The following EIPR1 variants were observed in gnomAD, a reference collection of about 807,000 sequenced individuals.
The protein encoded by EIPR1 is EARP complex and GARP complex interacting protein 1.
Under a neutral mutation model 48.1 loss-of-function variants are expected in EIPR1, and 25 were observed. That is an observed-to-expected ratio of 0.52 (90% CI 0.38 to 0.73). The LOEUF (loss-of-function observed/expected upper bound fraction) is 0.73, where lower values mean the gene tolerates loss of function less well. Ranked by LOEUF, EIPR1 falls within the 30% of genes least tolerant of loss-of-function variation. The pLI is 0.00. For synonymous variants in EIPR1, 204 were observed against 201.9 expected (o/e 1.01, Z -0.09); for missense variants, 415 against 506.2 (o/e 0.82, Z 1.73).
At chr2:3,194,371 A>G (rs770015592) in intron 6 of EIPR1, 5 of 543,752 alleles carry the variant, frequency 9.2e-6, no homozygotes, top group Non-Finnish European at 1.6e-5. Context: ...CACCACGCTC[A>G]TCTCTCCAGA....
chr2:3,215,226 G>C (rs2103135310), intron 4 of EIPR1, among the ~76,000 whole-genome samples: 1 of 152,348 alleles, frequency 6.6e-6, no homozygotes, highest in South Asian at 2.1e-4. Context: ...GGGGGCTGGA[G>C]GGTGGAGAGT....
intron 8 of EIPR1, 50 bp downstream of exon 8, chr2:3,192,364 G>A (rs768589344): frequency 6.6e-7 from 1 of 1,514,874 alleles, no homozygotes; most frequent in South Asian, 1.3e-5. Flanking sequence ...TGGCTGTGCA[G>A]ACAGGAGGCT....
chr2:3,226,017 A>C (rs993844136), intron 4 of EIPR1, among the ~76,000 whole-genome samples: 3 of 152,158 alleles, frequency 2.0e-5, no homozygotes, highest in Non-Finnish European at 2.9e-5. Flanking sequence ...TATCTACCAC[A>C]ATTTCTTTAT....
At chr2:3,354,709 G>T in intron 1 of EIPR1, 76 bp from the exon 2 acceptor site, 4 of 1,312,238 alleles carry the variant, frequency 3.0e-6, no homozygotes, top group Non-Finnish European at 4.4e-6. Flanking sequence ...GATTTAAAAA[G>T]GCAGTTTATC....
intron 3 of EIPR1, among the ~76,000 whole-genome samples, chr2:3,308,548 A>C (rs1337456439): frequency 6.6e-6 from 1 of 152,230 alleles, no homozygotes; most frequent in Non-Finnish European, 1.5e-5. Context: ...GGACAATAGC[A>C]GATGGCCTCA....
intron 3 of EIPR1, among the ~76,000 whole-genome samples, chr2:3,334,948 C>T (rs1029424286): frequency 1.3e-5 from 2 of 152,216 alleles, no homozygotes; most frequent in Non-Finnish European, 2.9e-5. Context: ...CACCTGTGGA[C>T]GACCAACAAG....
intron 2 of EIPR1, among the ~76,000 whole-genome samples, chr2:3,340,556 T>G (rs1422242156): frequency 6.6e-6 from 1 of 152,194 alleles, no homozygotes. Flanking sequence ...CCAAGGAAAG[T>G]TTACTTATGA....
intron 4 of EIPR1, among the ~76,000 whole-genome samples, chr2:3,219,791 C>G (rs188033814): frequency 1.1e-3 from 165 of 152,358 alleles, no homozygotes; most frequent in African/African-American, 3.7e-3. Context: ...CAGGTGCACA[C>G]CCGGCATGGC....
At chr2:3,375,740 T>C (rs1659855736) in intron 1 of EIPR1, among the ~76,000 whole-genome samples, 1 of 152,226 alleles carries the variant, frequency 6.6e-6, no homozygotes. Flanking sequence ...CTATTCTCTC[T>C]GAGGCTGTCT....
chr2:3,256,824 G>A lies in EIPR1; in HGVS notation c.416+475C>T, dbSNP rs114898890. 6.0e-3 allele frequency among the ~76,000 whole-genome samples: 911 copies of A among 152,352 alleles called. 5 individuals are homozygous for A. The highest frequency in any genetic ancestry group is 0.031 in the Middle Eastern group (9 of 294). Reference sequence around the variant, plus strand: ...AAGCAGCGACTGGCCAGGGAGCCACGTGAATGACACACCACATGCCGGACA... The same window carrying A: ...AAGCAGCGACTGGCCAGGGAGCCACATGAATGACACACCACATGCCGGACA... On this transcript the variant is annotated intron_variant, in intron 4 of 8. Coordinates refer to ENST00000382125, the MANE Select transcript of EIPR1 (RefSeq NM_003310.5).
intron 7 of EIPR1, 70 bp downstream of exon 7, chr2:3,193,929 A>C: frequency 6.4e-7 from 1 of 1,553,404 alleles, no homozygotes; most frequent in Non-Finnish European, 8.8e-7. Context: ...TGTCTTTCCC[A>C]ATGGTAAAGT....
At chr2:3,316,976 G>A in intron 3 of EIPR1, among the ~76,000 whole-genome samples, 1 of 152,228 alleles carries the variant, frequency 6.6e-6, no homozygotes, top group East Asian at 1.9e-4. Context: ...CCTTGCACAT[G>A]GGGTGGAGCA....
At chr2:3,205,455 C>A (rs1054753678) in intron 5 of EIPR1, among the ~76,000 whole-genome samples, 1 of 152,252 alleles carries the variant, frequency 6.6e-6, no homozygotes. Context: ...AGGCAGAAAG[C>A]AGTCACATGT....
chr2:3,266,710 G>C (rs903803480), intron 3 of EIPR1, among the ~76,000 whole-genome samples: 1 of 152,182 alleles, frequency 6.6e-6, no homozygotes, highest in Non-Finnish European at 1.5e-5. Flanking sequence ...TCAGGGGCTC[G>C]CTGGCCGTGA....
intron 3 of EIPR1, among the ~76,000 whole-genome samples, chr2:3,316,730 C>A (rs1008115584): frequency 1.3e-5 from 2 of 152,242 alleles, no homozygotes; most frequent in African/African-American, 4.8e-5. Context: ...CTTCAAGTAA[C>A]AAACCACAAA....
chr2:3,270,969 T>C (rs936989693), intron 3 of EIPR1, among the ~76,000 whole-genome samples: 1 of 152,246 alleles, frequency 6.6e-6, no homozygotes, highest in Non-Finnish European at 1.5e-5. Context: ...CTAACACTGC[T>C]TTATCAACTG....
Position 3,199,448 on chromosome 2 carries a change from T to C in EIPR1, c.517-2431A>G, listed in dbSNP as rs146499038. Among the ~76,000 whole-genome samples the C allele has an allele frequency of 1.7e-4, 26 of 152,346 alleles. No homozygotes were observed. In the East Asian group the frequency reaches 4.8e-3, roughly 28 times the overall value. ...TGATTGGGGAAGTGATAAATGTCCA[T>C]GAAATCTTCACAATTTATGTTCTTC... On this transcript the variant is annotated intron_variant, in intron 5 of 8. Coordinates refer to ENST00000382125, the MANE Select transcript of EIPR1 (RefSeq NM_003310.5).
In EIPR1 at chr2:3,286,250, T is replaced by A. The variant is rs1668181924; in HGVS notation, c.260-28795A>T. On this transcript the variant is annotated intron_variant, in intron 3 of 8. Transcript: ENST00000382125. This position sits in a 1 kb window ranked among gnomAD's most constrained non-coding sequence, Gnocchi z 4.2. ...GCTAATAAAAAAAAATAGGTTGGCC[T>A]CATTTACAAACCCAGGGTGATTCGA... 6.6e-6 allele frequency among the ~76,000 whole-genome samples: 1 copy of A among 152,194 alleles called. No homozygotes were observed. The highest frequency in any genetic ancestry group is 1.5e-5 in the Non-Finnish European group (1 of 68,032).
chr2:3,239,423 TTGATG>T (rs1666521091), intron 4 of EIPR1, among the ~76,000 whole-genome samples: 1 of 152,202 alleles, frequency 6.6e-6, no homozygotes, highest in Non-Finnish European at 1.5e-5. Context: ...ATCTCTGTGG[TTGATG>T]CACAGACGCT....
Sources: gnomAD v4.1 joint callset for allele counts (sites outside exome capture counted in the v4.1 genomes callset) on GRCh38, gnomAD v4.1.1 for gene constraint, Gnocchi (gnomAD v3.1) non-coding constraint, MANE v1.5 for transcripts, NCBI Gene and HGNC (gene_info 2026-07-23, HGNC 2026-07-21) for gene names.